Variants in MARK2 observed in about 807,000 individuals in gnomAD.
MARK2 encodes serine/threonine-protein kinase MARK2.
A neutral mutation model predicts 89.8 loss-of-function variants in MARK2; 16 were observed. The ratio of observed to expected loss-of-function variants is 0.18; its 90% confidence interval spans 0.12 to 0.27. The LOEUF (loss-of-function observed/expected upper bound fraction) is 0.27. Ranked by LOEUF, MARK2 falls within the 10% of genes least tolerant of loss-of-function variation. MARK2 has a pLI of 1.00. For missense variants in MARK2, 621 were observed against 1,049.9 expected (o/e 0.59, Z 5.65); for synonymous variants, 382 against 399.5 (o/e 0.96, Z 0.52).
At chr11:63,839,593 G>C in intron 1 of MARK2, 33 bp downstream of exon 1, 1 of 1,425,458 alleles carries the variant, frequency 7.0e-7, no homozygotes, top group Non-Finnish European at 9.6e-7. Context: ...CGAATTCTCT[G>C]GCTGGGCCCT....
intron 1 of MARK2, among the ~76,000 whole-genome samples, chr11:63,876,961 TAGA>T (rs912466791): frequency 2.0e-5 from 3 of 152,032 alleles, no homozygotes; most frequent in Non-Finnish European, 4.4e-5. Context: ...CCACAGAAGT[TAGA>T]AAGCTCAAAG....
chr11:63,897,663 G>A (rs931413569), intron 3 of MARK2, among the ~76,000 whole-genome samples: 2 of 152,200 alleles, frequency 1.3e-5, no homozygotes, highest in African/African-American at 2.4e-5. Flanking sequence ...CAAAGAGAGC[G>A]TGAGTGTGTG....
At chr11:63,866,579 A>G (rs934327339) in intron 1 of MARK2, among the ~76,000 whole-genome samples, 1 of 152,220 alleles carries the variant, frequency 6.6e-6, no homozygotes, top group African/African-American at 2.4e-5. Flanking sequence ...CCAGTTTCAC[A>G]TTCAGAATGC....
intron 1 of MARK2, among the ~76,000 whole-genome samples, chr11:63,848,652 A>G (rs920012294): frequency 2.7e-5 from 4 of 148,652 alleles, no homozygotes; most frequent in Non-Finnish European, 4.5e-5. Context: ...CCGGGTTCAC[A>G]CCATTCTCCT....
chr11:63,859,050 G>A (rs764864715), intron 1 of MARK2, among the ~76,000 whole-genome samples: 6 of 149,660 alleles, frequency 4.0e-5, no homozygotes, highest in Non-Finnish European at 7.4e-5. Flanking sequence ...TGAGGTTTGT[G>A]TTTTATTATG....
chr11:63,859,748 C>T (rs1438193710), intron 1 of MARK2, among the ~76,000 whole-genome samples: 2 of 152,132 alleles, frequency 1.3e-5, no homozygotes, highest in African/African-American at 2.4e-5. Flanking sequence ...TCTCCTGCCT[C>T]GGCCTCCCGA....
rs1941680451 is a variant in MARK2, at chr11:63,910,464, G to A, written c.*1227G>A. ...AGCGACTCCCAGCTTGCTACCCTCA[G>A]TGGCCAGTGTGGGCGTGGGCGGTTT... On this transcript the variant is annotated 3_prime_UTR_variant, in exon 19 of 19. Transcript: ENST00000402010. 1 of 152,192 alleles carries A rather than the reference G, an allele frequency of 6.6e-6. No homozygotes were observed. Among genetic ancestry groups the A allele is most frequent in the Non-Finnish European group, 1.5e-5 (1 of 68,032 alleles). 9.4% of individuals were successfully genotyped at this position (152,192 alleles called of 1,614,324 possible). A position where few individuals can be genotyped will look rare whatever the true frequency, so the allele number is the denominator to read the frequency against.
intron 11 of MARK2, among the ~76,000 whole-genome samples, chr11:63,901,901 C>T (rs1940923572): frequency 6.6e-6 from 1 of 151,970 alleles, no homozygotes; most frequent in Non-Finnish European, 1.5e-5. Flanking sequence ...GCCCATATTG[C>T]TCTGTGTTGA....
chr11:63,864,345 C>T (rs1243485455), intron 1 of MARK2, among the ~76,000 whole-genome samples: 1 of 151,724 alleles, frequency 6.6e-6, no homozygotes, highest in Non-Finnish European at 1.5e-5. Context: ...CTCCGCCTCC[C>T]AGGTTCAAGC....
chr11:63,851,541 C>A (rs2016572807), intron 1 of MARK2, among the ~76,000 whole-genome samples: 1 of 151,982 alleles, frequency 6.6e-6, no homozygotes, highest in Non-Finnish European at 1.5e-5. Flanking sequence ...TCTTTGAACT[C>A]CCTTTCTTCA....
chr11:63,908,851 G>T, intron 18 of MARK2, 26 bp from the exon 19 acceptor site: 1 of 1,426,760 alleles, frequency 7.0e-7, no homozygotes. Context: ...GCCCCCCCGT[G>T]ACGCCCGCCT....
intron 1 of MARK2, among the ~76,000 whole-genome samples, chr11:63,861,878 A>AT (rs1226167524): frequency 1.4e-5 from 2 of 146,316 alleles, no homozygotes; most frequent in South Asian, 2.2e-4. Flanking sequence ...AGTAGCTGGG[A>AT]TTATAAGTAT....
intron 1 of MARK2, among the ~76,000 whole-genome samples, chr11:63,848,549 ATTT>A (rs779169841): frequency 1.5e-4 from 19 of 123,694 alleles, no homozygotes; most frequent in Admixed American, 1.6e-4. Flanking sequence ...CACCCGGCTA[ATTT>A]TTTTTTTTTT....
intron 1 of MARK2, among the ~76,000 whole-genome samples, chr11:63,847,950 C>T (rs1459773827): frequency 2.6e-5 from 4 of 152,018 alleles, no homozygotes; most frequent in African/African-American, 7.2e-5. Context: ...TTTTCGTCCA[C>T]GCAATGGGAC....
intron 1 of MARK2, among the ~76,000 whole-genome samples, chr11:63,889,595 G>A (rs528406735): frequency 3.9e-5 from 6 of 152,260 alleles, no homozygotes; most frequent in African/African-American, 1.4e-4. Flanking sequence ...GATCCCAGGC[G>A]GAAGGGGCCT....
intron 1 of MARK2, among the ~76,000 whole-genome samples, chr11:63,859,462 A>G (rs994700212): frequency 6.6e-5 from 10 of 151,334 alleles, no homozygotes; most frequent in Non-Finnish European, 1.5e-4. Flanking sequence ...CTGGGATTGC[A>G]GGTGCCCGCC....
chr11:63,849,646 G>A (rs145259731), intron 1 of MARK2, among the ~76,000 whole-genome samples: 70 of 152,314 alleles, frequency 4.6e-4, no homozygotes, highest in African/African-American at 1.6e-3. Flanking sequence ...CCAGCTACTC[G>A]GAAGGCTGAG....
At chr11:63,901,692 CTGTGTGTG>C (rs56308004) in intron 11 of MARK2, among the ~76,000 whole-genome samples, 6 of 134,710 alleles carry the variant, frequency 4.5e-5, no homozygotes, top group South Asian at 2.4e-4. Context: ...GTGTGTGTAT[CTGTGTGTG>C]TGTGTGTGTG....
chr11:63,882,584 C>CAA, intron 1 of MARK2: 1 of 146,386 alleles, frequency 6.8e-6, no homozygotes, highest in Non-Finnish European at 1.5e-5. Flanking sequence ...AACTCTGTCT[C>CAA]AAAAAAAAAA....
Sources: allele counts gnomAD v4.1 joint callset (sites outside exome capture counted in the v4.1 genomes callset), GRCh38; gene constraint gnomAD v4.1.1; transcripts MANE v1.5; gene names NCBI Gene and HGNC (gene_info 2026-07-23, HGNC 2026-07-21).